Variants in AGO3 observed in about 807,000 individuals in gnomAD.
The protein encoded by AGO3 is argonaute RISC catalytic component 3, also known as protein argonaute-3.
A neutral mutation model predicts 105.5 loss-of-function variants in AGO3; 16 were observed. That is an observed-to-expected ratio of 0.15 (90% confidence interval 0.10 to 0.23). The LOEUF is 0.23. Ranked by LOEUF, AGO3 falls within the 10% of genes least tolerant of loss-of-function variation. AGO3 has a pLI of 1.00. For missense variants in AGO3, 534 were observed against 1,088.0 expected (o/e 0.49, Z 7.16); for synonymous variants, 340 against 367.3 (o/e 0.93, Z 0.85).
intron 12 of AGO3, among the ~76,000 whole-genome samples, chr1:36,031,054 T>C (rs899767448): frequency 1.3e-5 from 2 of 152,358 alleles, no homozygotes; most frequent in African/African-American, 4.8e-5. Flanking sequence ...CAATACACTG[T>C]TGCTATTACT....
intron 2 of AGO3, among the ~76,000 whole-genome samples, chr1:35,956,149 A>G (rs576216477): frequency 7.2e-5 from 11 of 152,298 alleles, no homozygotes; most frequent in African/African-American, 2.6e-4. Context: ...ATGTTCAAAG[A>G]CACAGTGGCA....
At position 36,070,877 on chromosome 1, in the gene AGO3, A is replaced by G. The variant is rs552471585; in HGVS notation, c.*15132A>G. On this transcript the variant is annotated 3_prime_UTR_variant, in exon 19 of 19. Coordinates refer to ENST00000373191, the MANE Select transcript of AGO3 (RefSeq NM_024852.4). Reference sequence around the variant, plus strand: ...AATGTCTCTTTTCAGTTATGGACCCATAAAAGTATTCCTATATCTTGTGAA... The same window carrying G: ...AATGTCTCTTTTCAGTTATGGACCCGTAAAAGTATTCCTATATCTTGTGAA... 1.6e-4 allele frequency: 24 copies of G among 152,240 alleles called. No individual in the cohort carries two copies. The highest frequency in any genetic ancestry group is 3.1e-4 in the Non-Finnish European group (21 of 68,048). 9.4% of individuals were successfully genotyped at this position (152,240 alleles called of 1,614,324 possible). A position where few individuals can be genotyped will look rare whatever the true frequency, so the allele number is the denominator to read the frequency against.
Position 36,008,829 on chromosome 1 carries a change from A to G in AGO3, c.881+52A>G. The G allele has an allele frequency of 6.2e-7, 1 of 1,613,936 alleles. No individual in the cohort carries two copies. Among genetic ancestry groups the G allele is most frequent in the South Asian group, 1.1e-5 (1 of 91,060 alleles). On this transcript the variant is annotated intron_variant, in intron 7 of 18. Transcript: ENST00000373191. This position sits in a 1 kb window ranked among gnomAD's most constrained non-coding sequence, Gnocchi z 5.1. The stretch of plus-strand genomic sequence containing the variant: ...TGGTGTGAGGCAGCTTGCTCTAGTT[A>G]GTGGGGTTGGGAGTTTTTCTGGCTC...
intron 11 of AGO3, among the ~76,000 whole-genome samples, chr1:36,023,734 G>A (rs937015666): frequency 2.0e-5 from 3 of 152,158 alleles, no homozygotes; most frequent in African/African-American, 4.8e-5. Context: ...AAAATGTAAC[G>A]AGACAGCTTT....
intron 5 of AGO3, among the ~76,000 whole-genome samples, chr1:35,983,845 G>C (rs1351763086): frequency 6.6e-6 from 1 of 152,140 alleles, no homozygotes; most frequent in Non-Finnish European, 1.5e-5. Flanking sequence ...ATGTATCAAT[G>C]TTAACATGTC....
At chr1:36,018,785 C>T (rs1641056191) in intron 11 of AGO3, among the ~76,000 whole-genome samples, 1 of 152,056 alleles carries the variant, frequency 6.6e-6, no homozygotes, top group Non-Finnish European at 1.5e-5. Context: ...TGAGTGTACA[C>T]AAGAGACCCC....
At position 35,972,098 on chromosome 1, in the gene AGO3, T is replaced by C. The variant is rs1646880237; in HGVS notation, c.387T>C (p.Ser129=). 1 of 1,614,006 alleles carries C rather than the reference T, an allele frequency of 6.2e-7. No homozygotes were observed. The highest frequency in any genetic ancestry group is 1.1e-5 in the South Asian group (1 of 91,086). The change falls in exon 4 of 19, where the codon TCT becomes TCC. Residue 129 remains serine (S), a synonymous_variant. Coordinates refer to ENST00000373191, the MANE Select transcript of AGO3 (RefSeq NM_024852.4). ...RPFKVSIKFV[S]RVSWHLLHEV... Reference sequence around the variant, plus strand: ...TCAAGGTGTCAATCAAATTTGTCTCTCGGGTGAGTTGGCACCTACTGCATG... The same window carrying C: ...TCAAGGTGTCAATCAAATTTGTCTCCCGGGTGAGTTGGCACCTACTGCATG...
chr1:35,992,433 C>G (rs1647756145), intron 5 of AGO3: 1 of 152,284 alleles, frequency 6.6e-6, no homozygotes, highest in Non-Finnish European at 1.5e-5. Flanking sequence ...CCTTTTATCA[C>G]CAACTTGCTC....
At position 35,996,215 on chromosome 1, in the gene AGO3, C is replaced by T. The variant is rs963445844; in HGVS notation, c.659-8126C>T. The stretch of plus-strand genomic sequence containing the variant: ...TGGTGCATGCCTCTATTCCCAGCTT[C>T]TTAGGAGGATGAGGTGAGAAGATTA... On this transcript the variant is annotated intron_variant, in intron 5 of 18. Transcript: ENST00000373191. 1.1e-4 allele frequency among the ~76,000 whole-genome samples: 16 copies of T among 151,544 alleles called. No homozygotes were observed. The East Asian group carries it at 3.1e-3, about 30-fold the overall frequency.
intron 17 of AGO3, among the ~76,000 whole-genome samples, chr1:36,050,910 T>A (rs1187987406): frequency 6.6e-6 from 1 of 152,074 alleles, no homozygotes; most frequent in Non-Finnish European, 1.5e-5. Flanking sequence ...CACAGGAACC[T>A]TCGCCTCCTG....
At chr1:35,957,706 A>G (rs1418843384) in intron 2 of AGO3, among the ~76,000 whole-genome samples, 4 of 152,124 alleles carry the variant, frequency 2.6e-5, no homozygotes, top group African/African-American at 9.7e-5. Flanking sequence ...AGCCTGGGCA[A>G]CAGAGTGTGA....
In AGO3 at chr1:36,066,838, C is replaced by T. The variant is rs1329219176; in HGVS notation, c.*11093C>T. ...TGAGGGGGGATTTAGGATAAGGCTT[C>T]CTTGCTGGGATCCTTGGACAGAAAC... is the stretch of plus-strand genomic sequence containing the variant. On this transcript the variant is annotated 3_prime_UTR_variant, in exon 19 of 19. Transcript: ENST00000373191. The T allele has an allele frequency of 6.6e-6, 1 of 152,146 alleles. No individual in the cohort carries two copies. The highest frequency in any genetic ancestry group is 1.5e-5 in the Non-Finnish European group (1 of 68,040). The allele number at this position is 152,146 out of a possible 1,614,324, so 9.4% of individuals were successfully genotyped here.
At chr1:36,042,420 G>A (rs1033349768) in intron 16 of AGO3, among the ~76,000 whole-genome samples, 67 of 152,252 alleles carry the variant, frequency 4.4e-4, no homozygotes, top group African/African-American at 1.5e-3. Context: ...GAAGATTTAC[G>A]TGTTGCTAAT....
intron 12 of AGO3, among the ~76,000 whole-genome samples, chr1:36,028,569 A>G (rs982035889): frequency 1.3e-5 from 2 of 152,030 alleles, no homozygotes; most frequent in Non-Finnish European, 2.9e-5. Context: ...TACAGAGGAC[A>G]TGAACTCATC....
intron 17 of AGO3, among the ~76,000 whole-genome samples, chr1:36,048,297 A>G (rs983067377): frequency 1.3e-5 from 2 of 152,142 alleles, no homozygotes; most frequent in Admixed American, 1.3e-4. Context: ...CATTCAATCA[A>G]TCAATCAATC....
Position 36,068,195 on chromosome 1 carries a change from T to G in AGO3, c.*12450T>G, listed in dbSNP as rs1017903442. The G allele has an allele frequency of 6.6e-6, 1 of 152,208 alleles. No homozygotes were observed. The highest frequency in any genetic ancestry group is 1.5e-5 in the Non-Finnish European group (1 of 68,040). The allele number at this position is 152,208 out of a possible 1,614,324, so 9.4% of individuals were successfully genotyped here. A position where few individuals can be genotyped will look rare whatever the true frequency, so the allele number is the denominator to read the frequency against. ...ATAGATAGAATGATGATTATTACAA[T>G]GTAACTTTAACATATATGAAGAGAA... On this transcript the variant is annotated 3_prime_UTR_variant, in exon 19 of 19. Coordinates refer to ENST00000373191, the MANE Select transcript of AGO3 (RefSeq NM_024852.4).
At chr1:35,981,203 C>T (rs761991067) in intron 5 of AGO3, among the ~76,000 whole-genome samples, 14 of 152,090 alleles carry the variant, frequency 9.2e-5, no homozygotes, top group Non-Finnish European at 1.8e-4. Flanking sequence ...TCAGAAATGT[C>T]GCGGTGCCTT....
Position 36,004,446 on chromosome 1 carries a change from A to G in AGO3, c.764A>G (p.His255Arg). 1 of 1,601,088 alleles carries G rather than the reference A, an allele frequency of 6.2e-7. No homozygotes were observed. The highest frequency in any genetic ancestry group is 8.5e-7 in the Non-Finnish European group (1 of 1,171,718). The change falls in exon 6 of 19, where the codon CAT becomes CGT. Residue 255 changes from histidine to arginine, a missense_variant. Around this residue, in one of 2 missense-constraint regions of AGO3, gnomAD observed 373 missense variants for 854.0 expected, o/e 0.44. Transcript: ENST00000373191. ...DEQPRPLTDS[H>R]RVKFTKEIKG... is the part of the protein sequence containing the mutation. ...CAACCAAGACCTCTGACTGATTCTC[A>G]TCGGGTAAAATTCACCAAAGAGATA...
At chr1:36,016,988 T>A (rs1338289002) in intron 11 of AGO3, among the ~76,000 whole-genome samples, 2 of 152,034 alleles carry the variant, frequency 1.3e-5, no homozygotes. Flanking sequence ...TAGGTAAGAG[T>A]GTGACCAAAA....
Sources: allele counts gnomAD v4.1 joint callset (sites outside exome capture counted in the v4.1 genomes callset), GRCh38; gene constraint gnomAD v4.1.1; regional missense constraint gnomAD v4.1.1; non-coding constraint Gnocchi (gnomAD v3.1); transcripts MANE v1.5; gene names NCBI Gene and HGNC (gene_info 2026-07-23, HGNC 2026-07-21).